CPLX1: variants seen among roughly 807,000 people sequenced by gnomAD.
The protein encoded by CPLX1 is complexin 1.
Under a neutral mutation model 15.6 loss-of-function variants are expected in CPLX1, and 6 were observed. The ratio of observed to expected loss-of-function variants is 0.39; its 90% CI spans 0.21 to 0.76. The LOEUF is 0.76. Ranked by LOEUF, CPLX1 falls within the 30% of genes least tolerant of loss-of-function variation. The pLI, the probability that CPLX1 is intolerant of heterozygous loss-of-function variation, is 0.43. For missense variants in CPLX1, 242 were observed against 188.6 expected, an observed-to-expected ratio of 1.28 and a Z score of -1.66; for synonymous variants, 91 against 75.2, an observed-to-expected ratio of 1.21 and a Z score of -1.08.
intron 2 of CPLX1, among the ~76,000 whole-genome samples, chr4:817,830 G>A (rs1746789659): frequency 3.9e-5 from 6 of 152,134 alleles, no homozygotes. Flanking sequence ...GTGCCCATTG[G>A]AGGGTGCATT....
chr4:794,927 C>T (rs1414319913), intron 2 of CPLX1, among the ~76,000 whole-genome samples: 1 of 152,236 alleles, frequency 6.6e-6, no homozygotes, highest in East Asian at 1.9e-4. Context: ...CTGCGCTCTG[C>T]TCCAGGGGTG....
intron 3 of CPLX1, among the ~76,000 whole-genome samples, chr4:792,151 A>C (rs1158485743): frequency 6.6e-6 from 1 of 152,166 alleles, no homozygotes; most frequent in Non-Finnish European, 1.5e-5. Context: ...GGCCCCAGGC[A>C]GCCAGCCAGG....
chr4:817,357 C>T (rs1746776525), intron 2 of CPLX1, among the ~76,000 whole-genome samples: 1 of 150,450 alleles, frequency 6.6e-6, no homozygotes, highest in African/African-American at 2.4e-5. Context: ...AGTTCGAGAC[C>T]AGCCTGGGCA....
At chr4:809,486 G>A (rs1248545549) in intron 2 of CPLX1, among the ~76,000 whole-genome samples, 1 of 151,594 alleles carries the variant, frequency 6.6e-6, no homozygotes, top group South Asian at 2.1e-4. Flanking sequence ...TGCCCTGCCT[G>A]CTGCCCTCAC....
intron 3 of CPLX1, among the ~76,000 whole-genome samples, chr4:791,354 C>T (rs11930710): frequency 0.068 from 6,957 of 101,706 alleles, 216 homozygotes; most frequent in South Asian, 0.14. Context: ...TGGCGGTGGG[C>T]GGGGGGCTGC....
intron 1 of CPLX1, among the ~76,000 whole-genome samples, chr4:825,669 C>G (rs927117078): frequency 1.7e-4 from 25 of 150,528 alleles, no homozygotes; most frequent in African/African-American, 5.6e-4. Context: ...GGAGGCCGGG[C>G]GCGGGCCGGG....
Position 808,905 on chromosome 4 carries a change from A to T in CPLX1, c.31+15587T>A, listed in dbSNP as rs190402251. ...CCAATGATATTTAGAATGTTCTTGG[A>T]ACGGAGAAAAAGAAGGAAATCCTCT... On this transcript the variant is annotated intron_variant, in intron 2 of 3. Coordinates refer to ENST00000304062, the MANE Select transcript of CPLX1 (RefSeq NM_006651.4). Among the ~76,000 whole-genome samples, 550 of 152,374 alleles carry T rather than the reference A, an allele frequency of 3.6e-3. 9 individuals are homozygous for T. Among genetic ancestry groups the T allele is most frequent in the Non-Finnish European group, 6.4e-3 (433 of 68,034 alleles).
At chr4:797,482 C>G (rs1346144144) in intron 2 of CPLX1, among the ~76,000 whole-genome samples, 1 of 152,160 alleles carries the variant, frequency 6.6e-6, no homozygotes, top group Non-Finnish European at 1.5e-5. Context: ...CGTCTGCCAC[C>G]ATGCCTAACT....
intron 2 of CPLX1, among the ~76,000 whole-genome samples, chr4:822,920 C>T (rs1289528819): frequency 3.3e-5 from 5 of 152,228 alleles, no homozygotes; most frequent in Admixed American, 6.5e-5. Flanking sequence ...AAGCACTCAG[C>T]GTGGAGCCCC....
In CPLX1 at chr4:823,949, G is replaced by A. The variant is rs201041246; in HGVS notation, c.31+543C>T. Among the ~76,000 whole-genome samples, 38 of 152,356 alleles carry A rather than the reference G, an allele frequency of 2.5e-4. No homozygotes were observed. The East Asian group carries it at 6.4e-3, about 26-fold the overall frequency. On this transcript the variant is annotated intron_variant, in intron 2 of 3. Coordinates refer to ENST00000304062, the MANE Select transcript of CPLX1 (RefSeq NM_006651.4). Reference sequence around the variant, plus strand: ...GTTTCGGGCCTTTTCCTTCGCTCCCGTAACCAGCAAGCCCTGGTCCCTGAG... The same window carrying A: ...GTTTCGGGCCTTTTCCTTCGCTCCCATAACCAGCAAGCCCTGGTCCCTGAG...
chr4:787,291 T>G (rs1021965338), intron 3 of CPLX1: 1 of 985,366 alleles, frequency 1.0e-6, no homozygotes, highest in African/African-American at 1.7e-5. Context: ...GAATCCCGCC[T>G]AGTCGTGCCC....
At chr4:805,643 C>G (rs1478320680) in intron 2 of CPLX1, among the ~76,000 whole-genome samples, 1 of 152,190 alleles carries the variant, frequency 6.6e-6, no homozygotes, top group African/African-American at 2.4e-5. Flanking sequence ...CTCACAGATA[C>G]CTCCATACCC....
rs1315120895 is a variant in CPLX1 at position 813,437 on chromosome 4, C to T, written c.31+11055G>A. 5.9e-5 allele frequency among the ~76,000 whole-genome samples: 9 copies of T among 152,066 alleles called. 1 individual carries two copies. The highest frequency in any genetic ancestry group is 4.1e-4 in the South Asian group (2 of 4,820). ...AGAAGCTGACCAGCCGGGCAGAACC[C>T]CAGGAAGACTCTGGGACTGGAGGCC... On this transcript the variant is annotated intron_variant, in intron 2 of 3. Transcript: ENST00000304062.
intron 2 of CPLX1, among the ~76,000 whole-genome samples, chr4:817,246 TA>T (rs35754733): frequency 0.45 from 59,527 of 132,614 alleles, 12,810 homozygotes; most frequent in African/African-American, 0.52. Context: ...TGGGTGAATG[TA>T]AAAAAAAAAA....
chr4:798,272 CAAA>C (rs35668656), intron 2 of CPLX1, among the ~76,000 whole-genome samples: 4 of 75,474 alleles, frequency 5.3e-5, no homozygotes, highest in Admixed American at 3.0e-4. Context: ...GACTCCGTCT[CAAA>C]AAAAAAAAAA....
chr4:824,386 G>A (rs949008603), intron 2 of CPLX1, 106 bp downstream of exon 2: 12 of 1,030,764 alleles, frequency 1.2e-5, no homozygotes, highest in South Asian at 4.0e-5. Context: ...GTGGGTGGCC[G>A]TGTGGCTGCA....
intron 2 of CPLX1, among the ~76,000 whole-genome samples, chr4:797,275 T>A (rs1577473952): frequency 6.6e-6 from 1 of 152,194 alleles, no homozygotes; most frequent in Admixed American, 6.5e-5. Flanking sequence ...GAAAGCCCCA[T>A]GGGAGCAGGC....
chr4:787,422 C>T (rs1746032935), intron 3 of CPLX1: 1 of 967,934 alleles, frequency 1.0e-6, no homozygotes, highest in Non-Finnish European at 1.2e-6. Context: ...TTGCCTGGAG[C>T]TTCAAAGGTG....
chr4:809,037 C>G (rs1049956338), intron 2 of CPLX1, among the ~76,000 whole-genome samples: 1 of 152,242 alleles, frequency 6.6e-6, no homozygotes, highest in South Asian at 2.1e-4. Context: ...CGGGCTCCAG[C>G]GAGAATGTCA....
Sources: gnomAD v4.1 joint callset for allele counts (sites outside exome capture counted in the v4.1 genomes callset) on GRCh38, gnomAD v4.1.1 for gene constraint, MANE v1.5 for transcripts, NCBI Gene and HGNC (gene_info 2026-07-23, HGNC 2026-07-21) for gene names.